The following DPYD variants were observed in gnomAD, a reference collection of about 807,000 sequenced individuals.
The protein encoded by DPYD is dihydropyrimidine dehydrogenase, also known as dihydropyrimidine dehydrogenase [NADP(+)].
DPYD carries 109 observed loss-of-function variants against 116.2 expected under a neutral mutation model. That is an observed-to-expected ratio of 0.94 (90% CI 0.80 to 1.10). The LOEUF is 1.10. Among genes scored for constraint, DPYD ranks in the 50% least tolerant of loss-of-function variants. The pLI, the probability that DPYD is intolerant of heterozygous loss-of-function variation, is 0.00. For synonymous variants in DPYD, 440 were observed against 432.0 expected (o/e 1.02, Z -0.23); for missense variants, 1,302 against 1,254.5 (o/e 1.04, Z -0.57).
At chr1:97,562,729 A>AT (rs1039488852) in intron 11 of DPYD, among the ~76,000 whole-genome samples, 1 of 151,898 alleles carries the variant, frequency 6.6e-6, no homozygotes, top group African/African-American at 2.4e-5. Context: ...TCAATGTCTT[A>AT]TTTTTTTGAG....
At chr1:97,756,327 A>G (rs928591099) in intron 3 of DPYD, among the ~76,000 whole-genome samples, 1 of 152,158 alleles carries the variant, frequency 6.6e-6, no homozygotes, top group African/African-American at 2.4e-5. Context: ...CTTGGCAATC[A>G]TTATCTTATA....
chr1:97,318,115 G>A (rs1003586649), intron 16 of DPYD, among the ~76,000 whole-genome samples: 10 of 146,960 alleles, frequency 6.8e-5, no homozygotes, highest in African/African-American at 1.2e-4. Flanking sequence ...GGTACCAGCC[G>A]CTGCAAAATC....
chr1:97,439,936 T>A (rs1023921757), intron 14 of DPYD, among the ~76,000 whole-genome samples: 1 of 152,184 alleles, frequency 6.6e-6, no homozygotes, highest in Non-Finnish European at 1.5e-5. Context: ...TTCAAGGTAC[T>A]TTCTAATTTC....
chr1:97,174,831 A>G (rs530128523), intron 20 of DPYD, among the ~76,000 whole-genome samples: 1 of 152,324 alleles, frequency 6.6e-6, no homozygotes, highest in Admixed American at 6.5e-5. Flanking sequence ...GTTACACTTT[A>G]GACAAATATA....
chr1:97,676,363 G>A (rs1043967784), intron 8 of DPYD, among the ~76,000 whole-genome samples: 2 of 152,104 alleles, frequency 1.3e-5, no homozygotes, highest in East Asian at 1.9e-4. Flanking sequence ...TGTAACTTCC[G>A]GCTCATAAAT....
At chr1:97,805,489 G>A (rs1222602632) in intron 3 of DPYD, among the ~76,000 whole-genome samples, 4 of 151,956 alleles carry the variant, frequency 2.6e-5, no homozygotes, top group African/African-American at 9.6e-5. Flanking sequence ...ATAATGATAT[G>A]TAGTTGCTTA....
chr1:97,148,866 T>C (rs1049851296), intron 20 of DPYD, among the ~76,000 whole-genome samples: 1 of 152,230 alleles, frequency 6.6e-6, no homozygotes, highest in African/African-American at 2.4e-5. Context: ...CTTTCTTGTA[T>C]TATAGCTATT....
intron 3 of DPYD, among the ~76,000 whole-genome samples, chr1:97,753,738 T>G (rs920575558): frequency 3.3e-5 from 5 of 152,040 alleles, no homozygotes; most frequent in Non-Finnish European, 5.9e-5. Flanking sequence ...AAGACCAATC[T>G]TTCCAGTAGA....
At position 97,447,846 on chromosome 1, in the gene DPYD, A is replaced by T. The variant is rs568995278; in HGVS notation, c.1905+2213T>A. On this transcript the variant is annotated intron_variant, in intron 14 of 22. Transcript: ENST00000370192. ...TTGGTAGGAGTTATTTTCCAGGAAA[A>T]TTTTTTTTTTCAGACACATTAGCTT... is the stretch of plus-strand genomic sequence containing the variant. Among the ~76,000 whole-genome samples the T allele has an allele frequency of 4.0e-3, 607 of 150,490 alleles. 1 individual carries two copies. Among genetic ancestry groups the T allele is most frequent in the Middle Eastern group, 0.01 (3 of 290 alleles).
At chr1:97,515,705 A>T (rs1391526095) in intron 13 of DPYD, 21 bp downstream of exon 13, 2 of 1,600,256 alleles carry the variant, frequency 1.2e-6, no homozygotes, top group African/African-American at 1.3e-5. Flanking sequence ...TTTCTATATG[A>T]CTTCAATAAT....
rs141365374 is a variant in DPYD, at chr1:97,398,508, T to G, written c.1906-16047A>C. Among the ~76,000 whole-genome samples, 151 of 151,752 alleles carry G rather than the reference T, an allele frequency of 1.0e-3. 1 individual carries two copies. The East Asian group carries it at 0.027, about 27-fold the overall frequency. ...AATGGTATTTCTAGTTCTAGATCCCTGAGGAATCACCACACTGACTTCACA... is the reference window on the plus strand; with the variant it reads ...AATGGTATTTCTAGTTCTAGATCCCGGAGGAATCACCACACTGACTTCACA... On this transcript the variant is annotated intron_variant, in intron 14 of 22. Transcript: ENST00000370192.
At position 97,098,401 on chromosome 1, in the gene DPYD, AC is replaced by A. The variant is rs2101594756; in HGVS notation, c.2766+87del. ...ATAATTCTAAAACCAAATTAGTGAT[AC>A]ATTTAAGCAGTAAATAAACATTTTA... On this transcript the variant is annotated intron_variant, in intron 21 of 22. Coordinates refer to ENST00000370192, the MANE Select transcript of DPYD (RefSeq NM_000110.4). 5.5e-6 allele frequency: 8 copies of A among 1,459,936 alleles called. No individual in the cohort carries two copies. The South Asian group carries it at 8.6e-5, about 16-fold the overall frequency. The allele number at this position is 1,459,936 out of a possible 1,614,324, so 90.4% of individuals were successfully genotyped here.
chr1:97,800,640 C>T (rs1667801107), intron 3 of DPYD, among the ~76,000 whole-genome samples: 1 of 151,892 alleles, frequency 6.6e-6, no homozygotes, highest in African/African-American at 2.4e-5. Context: ...TGTGACAAAA[C>T]AAAGTTTTCA....
At chr1:97,276,896 C>T (rs1050130523) in intron 18 of DPYD, among the ~76,000 whole-genome samples, 1 of 152,118 alleles carries the variant, frequency 6.6e-6, no homozygotes, top group African/African-American at 2.4e-5. Context: ...ACCAAAAAGA[C>T]ACATGTGCTT....
chr1:97,861,898 A>C (rs1297809867), intron 2 of DPYD, among the ~76,000 whole-genome samples: 1 of 151,814 alleles, frequency 6.6e-6, no homozygotes, highest in Non-Finnish European at 1.5e-5. Flanking sequence ...AGCCTCTATG[A>C]CCCCCTACAC....
At chr1:97,921,059 C>G (rs529162686), upstream of DPYD, 3 of 1,123,354 alleles carry the variant, frequency 2.7e-6, no homozygotes, top group Non-Finnish European at 3.8e-6. Context: ...GGGGGCGGAG[C>G]GGGCGCGGGG....
chr1:97,367,294 A>C (rs1166901981), intron 16 of DPYD, among the ~76,000 whole-genome samples: 4 of 152,046 alleles, frequency 2.6e-5, no homozygotes, highest in East Asian at 1.9e-4. Context: ...AAAAAAAAAA[A>C]CATACAGTTT....
At chr1:97,520,529 A>G (rs538517619) in intron 12 of DPYD, among the ~76,000 whole-genome samples, 66 of 152,150 alleles carry the variant, frequency 4.3e-4, no homozygotes, top group African/African-American at 1.5e-3. Context: ...CATGTGCACA[A>G]TGTGCAGGTT....
At chr1:97,634,934 G>T (rs1326537070) in intron 8 of DPYD, among the ~76,000 whole-genome samples, 1 of 151,076 alleles carries the variant, frequency 6.6e-6, no homozygotes, top group Non-Finnish European at 1.5e-5. Flanking sequence ...TTTAACTAGA[G>T]ACAAAGCCTT....
Sources: allele counts gnomAD v4.1 joint callset (sites outside exome capture counted in the v4.1 genomes callset), GRCh38; gene constraint gnomAD v4.1.1; transcripts MANE v1.5; gene names NCBI Gene and HGNC (gene_info 2026-07-23, HGNC 2026-07-21).